TET2: variants seen among roughly 807,000 people sequenced by gnomAD.
TET2 encodes the protein tet methylcytosine dioxygenase 2.
Under a neutral mutation model 142.9 loss-of-function variants are expected in TET2, and 299 were observed. The observed-to-expected ratio is 2.09, with a 90% CI of 1.90 to 2.30. The LOEUF (loss-of-function observed/expected upper bound fraction) is 2.30, where lower values mean the gene tolerates loss of function less well. Ranked by LOEUF, TET2 falls within the 30% of genes most tolerant of loss-of-function variation. The pLI, the probability that TET2 is intolerant of heterozygous loss-of-function variation, is 0.00. For synonymous variants in TET2, 819 were observed against 849.0 expected, an observed-to-expected ratio of 0.96 and a Z score of 0.61; for missense variants, 2,418 against 2,378.0, an observed-to-expected ratio of 1.02 and a Z score of -0.35.
chr4:105,209,187 T>C (rs946545502), intron 2 of TET2, among the ~76,000 whole-genome samples: 1 of 150,170 alleles, frequency 6.7e-6, no homozygotes, highest in Non-Finnish European at 1.5e-5. Context: ...TTTTGGTGTG[T>C]ATTCCAGCTG....
Position 105,272,797 on chromosome 4 carries a change from GAAAGCTGCAGCTGA to G in TET2, c.4423_4436del (p.Ala1475PhefsTer9). On this transcript the variant is annotated frameshift_variant, in exon 10 of 11. Transcript: ENST00000380013. LOFTEE classifies it high-confidence loss of function. ...GCCGACAAAGGAAACTAGAAGCCAA[GAAAGCTGCAGCTGA>G]AAAGCTTTCCTCCCTGGAGAACAGC... The G allele has an allele frequency of 6.4e-7, 1 of 1,551,650 alleles. No homozygotes were observed. The highest frequency in any genetic ancestry group is 8.7e-7 in the Non-Finnish European group (1 of 1,146,966).
chr4:105,269,686 G>A lies in TET2; in HGVS notation c.4121G>A (p.Cys1374Tyr), dbSNP rs1560569444. ...EGRPFSGVTA[C>Y]LDFCAHAHRD... ...CGTCCATTCTCAGGGGTCACTGCAT[G>A]TTTGGACTTCTGTGCTCATGCCCAC... The change falls in exon 9 of 11, where the codon TGT becomes TAT. Residue 1374 changes from cysteine (C) to tyrosine (Y), a missense_variant. Transcript: ENST00000380013. 2 of 1,551,684 alleles carry A rather than the reference G, an allele frequency of 1.3e-6. No homozygotes were observed. The highest frequency in any genetic ancestry group is 8.7e-7 in the Non-Finnish European group (1 of 1,146,958).
chr4:105,233,589 AATT>A (rs1359649735), intron 2 of TET2, among the ~76,000 whole-genome samples: 3 of 152,116 alleles, frequency 2.0e-5, no homozygotes, highest in African/African-American at 7.2e-5. Flanking sequence ...TTTGGCAAAA[AATT>A]ATTTAGGAAT....
intron 1 of TET2, among the ~76,000 whole-genome samples, chr4:105,155,018 C>T (rs1444904995): frequency 2.0e-5 from 3 of 151,780 alleles, no homozygotes; most frequent in Non-Finnish European, 4.4e-5. Flanking sequence ...AAATGAGACC[C>T]TCTCTCTCAA....
At chr4:105,238,397 A>G (rs1354159797) in intron 3 of TET2, 3 of 241,448 alleles carry the variant, frequency 1.2e-5, no homozygotes, top group African/African-American at 6.7e-5. Context: ...ATGCTGTTTG[A>G]TAGCATTTAA....
At chr4:105,237,641 C>A in intron 3 of TET2, 2 of 1,428,776 alleles carry the variant, frequency 1.4e-6, no homozygotes, top group Non-Finnish European at 1.8e-6. Context: ...TAGATCAATT[C>A]GCCTATTTAG....
At chr4:105,253,581 A>G (rs1356104374) in intron 6 of TET2, among the ~76,000 whole-genome samples, 8 of 148,424 alleles carry the variant, frequency 5.4e-5, no homozygotes, top group Non-Finnish European at 4.4e-5. Context: ...CATATTTTCT[A>G]GGTGATCATG....
intron 9 of TET2, 41 bp downstream of exon 9, chr4:105,269,788 T>G: frequency 6.5e-7 from 1 of 1,544,796 alleles, no homozygotes. Flanking sequence ...GTTGAGTCTG[T>G]TCTCACACTG....
intron 1 of TET2, among the ~76,000 whole-genome samples, chr4:105,155,919 GCT>G (rs1314297351): frequency 3.9e-5 from 6 of 152,168 alleles, no homozygotes; most frequent in African/African-American, 1.4e-4. Context: ...CAAGATAGAT[GCT>G]CATGTTAGAC....
At chr4:105,157,434 G>GT (rs1723623867) in intron 1 of TET2, among the ~76,000 whole-genome samples, 6 of 152,028 alleles carry the variant, frequency 3.9e-5, no homozygotes, top group Non-Finnish European at 8.8e-5. Context: ...CACTGAAATG[G>GT]TTTTTTCTCC....
Position 105,260,903 on chromosome 4 carries a change from C to A in TET2, c.3955-856C>A, listed in dbSNP as rs1730390649. On this transcript the variant is annotated intron_variant, in intron 7 of 10. Transcript: ENST00000380013. Reference sequence around the variant, plus strand: ...TTCTACAGATAACTTTTTTTTTAACCACTGTTTTATCAAGTGATAAATGTT... The same window carrying A: ...TTCTACAGATAACTTTTTTTTTAACAACTGTTTTATCAAGTGATAAATGTT... Among the ~76,000 whole-genome samples, 3 of 151,488 alleles carry A rather than the reference C, an allele frequency of 2.0e-5. No homozygotes were observed. The South Asian group carries it at 6.2e-4, about 32-fold the overall frequency.
In TET2 at chr4:105,272,833, C is replaced by A; in HGVS notation, c.4452C>A (p.Asn1484Lys). 6.4e-7 allele frequency: 1 copy of A among 1,551,456 alleles called. No individual in the cohort carries two copies. The highest frequency in any genetic ancestry group is 8.7e-7 in the Non-Finnish European group (1 of 1,146,922). The change falls in exon 10 of 11, where the codon AAC becomes AAA. Residue 1484 changes from asparagine (N) to lysine (K), a missense_variant. Coordinates refer to ENST00000380013, the MANE Select transcript of TET2 (RefSeq NM_001127208.3). ...CTGAAAAGCTTTCCTCCCTGGAGAA[C>A]AGCTCAAATAAAAATGAAAAGGAAA... ...AAAEKLSSLENSSNKNEKEKS... is the reference protein window; with the variant it reads ...AAAEKLSSLEKSSNKNEKEKS...
intron 2 of TET2, among the ~76,000 whole-genome samples, chr4:105,225,081 T>C (rs1424677012): frequency 2.0e-5 from 3 of 152,120 alleles, no homozygotes; most frequent in Non-Finnish European, 2.9e-5. Flanking sequence ...AAAGTTCTTA[T>C]AACTTTAGCA....
intron 2 of TET2, among the ~76,000 whole-genome samples, chr4:105,215,092 A>T (rs1727417132): frequency 1.3e-5 from 2 of 152,004 alleles, no homozygotes; most frequent in Admixed American, 1.3e-4. Flanking sequence ...GCTGCTTGTT[A>T]TTGGGGAGAA....
intron 2 of TET2, among the ~76,000 whole-genome samples, chr4:105,199,269 A>G (rs943502839): frequency 7.2e-5 from 11 of 152,178 alleles, no homozygotes; most frequent in African/African-American, 2.7e-4. Context: ...CTGCACATCT[A>G]TTAATACAGT....
chr4:105,175,304 G>T (rs1251969781), intron 1 of TET2, among the ~76,000 whole-genome samples: 2 of 152,020 alleles, frequency 1.3e-5, no homozygotes, highest in Admixed American at 1.3e-4. Flanking sequence ...AAAAACTATG[G>T]TTAATATGGT....
In TET2 at chr4:105,172,113, C is replaced by CGT. The variant is rs559341658; in HGVS notation, c.-192-18236_-192-18235dup. ...CTTTGAGCTCAGCAAAGTAGGGATG[C>CGT]GTGTGTGTGTGTCTATTTGCAATGC... On this transcript the variant is annotated intron_variant, in intron 1 of 10. Coordinates refer to ENST00000380013, the MANE Select transcript of TET2 (RefSeq NM_001127208.3). Among the ~76,000 whole-genome samples the CGT allele has an allele frequency of 9.2e-5, 14 of 152,062 alleles. No homozygotes were observed. The South Asian group carries it at 1.0e-3, about 11-fold the overall frequency.
At chr4:105,237,438 T>A (rs746175922) in intron 3 of TET2, 87 bp downstream of exon 3, 16 of 1,613,384 alleles carry the variant, frequency 9.9e-6, no homozygotes, top group Middle Eastern at 1.7e-4. Context: ...CTTCTTTTTT[T>A]AAATCTTGAG....
Position 105,276,911 on chromosome 4 carries a change from C to T in TET2, c.*392C>T, listed in dbSNP as rs1731255933. ...ATATCAAGTTTGCATAGTCATGGAA[C>T]ACAAATCAAACAAGTACTGTAGTAT... On this transcript the variant is annotated 3_prime_UTR_variant, in exon 11 of 11. Coordinates refer to ENST00000380013, the MANE Select transcript of TET2 (RefSeq NM_001127208.3). The T allele has an allele frequency of 4.7e-6, 1 of 212,664 alleles. No individual in the cohort carries two copies. The highest frequency in any genetic ancestry group is 2.5e-5 in the African/African-American group (1 of 39,414). The allele number at this position is 212,664 out of a possible 1,614,324, so 13.2% of individuals were successfully genotyped here.
Sources: allele counts gnomAD v4.1 joint callset (sites outside exome capture counted in the v4.1 genomes callset), GRCh38; gene constraint gnomAD v4.1.1; transcripts MANE v1.5; gene names NCBI Gene and HGNC (gene_info 2026-07-23, HGNC 2026-07-21).